ZFYVE28: variants seen among roughly 807,000 people sequenced by gnomAD.
ZFYVE28 encodes the protein zinc finger FYVE-type containing 28, also known as lateral signaling target protein 2 homolog.
Under a neutral mutation model 82.1 loss-of-function variants are expected in ZFYVE28, and 40 were observed. That is an observed-to-expected ratio of 0.49 (90% CI 0.38 to 0.63). The LOEUF (loss-of-function observed/expected upper bound fraction) is 0.63. Ranked by LOEUF, ZFYVE28 falls within the 30% of genes least tolerant of loss-of-function variation. The pLI is 0.00. For missense variants in ZFYVE28, 1,321 were observed against 1,242.1 expected, an observed-to-expected ratio of 1.06 and a Z score of -0.96; for synonymous variants, 612 against 546.1, an observed-to-expected ratio of 1.12 and a Z score of -1.68.
intron 1 of ZFYVE28, among the ~76,000 whole-genome samples, chr4:2,392,627 G>T (rs1729960587): frequency 1.3e-5 from 2 of 152,262 alleles, no homozygotes; most frequent in South Asian, 4.2e-4. Flanking sequence ...GCATCCTAGT[G>T]ACTCTTAAAT....
At chr4:2,364,860 C>T (rs1428853297) in intron 1 of ZFYVE28, 9 of 985,394 alleles carry the variant, frequency 9.1e-6, no homozygotes, top group Non-Finnish European at 1.1e-5. Context: ...CACGTCGCCG[C>T]GGCAAAGTCG....
intron 8 of ZFYVE28, among the ~76,000 whole-genome samples, chr4:2,276,576 C>G (rs61273793): frequency 7.9e-5 from 12 of 152,142 alleles, no homozygotes; most frequent in Non-Finnish European, 1.8e-4. Context: ...TTGGCAGAGG[C>G]GTGGATAAAC....
chr4:2,333,385 C>T (rs1030023433), intron 6 of ZFYVE28, among the ~76,000 whole-genome samples: 1 of 150,336 alleles, frequency 6.7e-6, no homozygotes, highest in Non-Finnish European at 1.5e-5. Context: ...AGAGGTTTGG[C>T]CACCAGCAGG....
At chr4:2,345,733 A>ATG (rs1723438383) in intron 2 of ZFYVE28, among the ~76,000 whole-genome samples, 1 of 151,730 alleles carries the variant, frequency 6.6e-6, no homozygotes, top group African/African-American at 2.4e-5. Context: ...AACTATACCA[A>ATG]ATTACAGCAT....
intron 6 of ZFYVE28, among the ~76,000 whole-genome samples, chr4:2,327,034 CA>C (rs1490421884): frequency 6.6e-6 from 1 of 151,564 alleles, no homozygotes; most frequent in East Asian, 1.9e-4. Context: ...GGTGGATCAC[CA>C]GATCTGGAGT....
At chr4:2,337,346 C>G in intron 5 of ZFYVE28, 61 bp downstream of exon 5, 1 of 1,484,230 alleles carries the variant, frequency 6.7e-7, no homozygotes, top group South Asian at 1.3e-5. Flanking sequence ...TGCCCCGGGC[C>G]TGGAGTGAGG....
At position 2,372,822 on chromosome 4, in the gene ZFYVE28, G is replaced by C. The variant is rs1236858175; in HGVS notation, c.40-18749C>G. Among the ~76,000 whole-genome samples, 1 of 152,036 alleles carries C rather than the reference G, an allele frequency of 6.6e-6. No homozygotes were observed. The highest frequency in any genetic ancestry group is 6.5e-5 in the Admixed American group (1 of 15,272). On this transcript the variant is annotated intron_variant, in intron 1 of 12. Transcript: ENST00000290974. This position sits in a 1 kb window ranked among gnomAD's most constrained non-coding sequence, Gnocchi z 5.2. The stretch of plus-strand genomic sequence containing the variant: ...CACACCCCTAAGACCTAGCCTCCCC[G>C]AGGCCTCTCCCCATGGCTGACTCAC...
intron 1 of ZFYVE28, chr4:2,364,967 G>T: frequency 1.1e-6 from 1 of 939,042 alleles, no homozygotes; most frequent in Non-Finnish European, 1.3e-6. Context: ...CACAGAGCCG[G>T]GGTGTCCCGG....
intron 8 of ZFYVE28, among the ~76,000 whole-genome samples, chr4:2,295,376 G>A (rs1294930247): frequency 6.6e-6 from 1 of 151,092 alleles, no homozygotes; most frequent in Non-Finnish European, 1.5e-5. Context: ...TTACCATGTT[G>A]GCCAGGCTGG....
At chr4:2,289,812 G>A (rs1230143042) in intron 8 of ZFYVE28, among the ~76,000 whole-genome samples, 1 of 152,104 alleles carries the variant, frequency 6.6e-6, no homozygotes, top group Non-Finnish European at 1.5e-5. Flanking sequence ...TGGACTTGGG[G>A]CTCAGGAGGT....
chr4:2,271,845 C>T (rs1735941945), intron 10 of ZFYVE28, 66 bp from the exon 11 acceptor site: 2 of 1,476,564 alleles, frequency 1.4e-6, no homozygotes, highest in Non-Finnish European at 9.4e-7. Flanking sequence ...GGGTCACCTG[C>T]ACTTGCTGGG....
chr4:2,406,206 T>C (rs557844375), intron 1 of ZFYVE28, among the ~76,000 whole-genome samples: 1 of 151,860 alleles, frequency 6.6e-6, no homozygotes, highest in Non-Finnish European at 1.5e-5. Context: ...ACCCCATCTC[T>C]GTCAAAAATA....
rs1259339905 is a variant in ZFYVE28, at chr4:2,341,480, C to T, written c.316G>A (p.Glu106Lys). ...GAACCCGGGTGGCCACCCGCTACCTCGGCACCGAACCACAGCTGGCCGGCC... is the reference window on the plus strand; with the variant it reads ...GAACCCGGGTGGCCACCCGCTACCTTGGCACCGAACCACAGCTGGCCGGCC... ...NLAGQLWFGA[E>K]CLAAGSIIMN... The change falls in exon 3 of 13, where the codon GAG becomes AAG. Residue 106 changes from glutamate (E) to lysine (K), a missense_variant and splice_region_variant. Glu to Lys is a moderately conservative substitution (Grantham distance 56, BLOSUM62 1). This residue lies in a region of ZFYVE28 where 343 missense variants were observed against 408.4 expected (regional missense o/e 0.84). Coordinates refer to ENST00000290974, the MANE Select transcript of ZFYVE28 (RefSeq NM_020972.3). This position sits in a 1 kb window ranked among gnomAD's most constrained non-coding sequence, Gnocchi z 4.5. 3.1e-6 allele frequency: 5 copies of T among 1,612,972 alleles called. No individual in the cohort carries two copies. Among genetic ancestry groups the T allele is most frequent in the East Asian group, 2.2e-5 (1 of 44,846 alleles).
At chr4:2,382,127 A>C (rs773883896) in intron 1 of ZFYVE28, among the ~76,000 whole-genome samples, 1 of 152,246 alleles carries the variant, frequency 6.6e-6, no homozygotes, top group Non-Finnish European at 1.5e-5. Context: ...GGATGCATGG[A>C]AACACCTGGA....
At chr4:2,312,591 G>A (rs867723706) in intron 7 of ZFYVE28, among the ~76,000 whole-genome samples, 4 of 151,906 alleles carry the variant, frequency 2.6e-5, no homozygotes, top group Non-Finnish European at 4.4e-5. Flanking sequence ...AGCCGGGTGT[G>A]GTGGCGGGCG....
intron 1 of ZFYVE28, among the ~76,000 whole-genome samples, chr4:2,386,095 C>T (rs1166048041): frequency 2.0e-5 from 3 of 152,194 alleles, no homozygotes; most frequent in African/African-American, 2.4e-5. Context: ...TTCACTCCCA[C>T]GGCTGCAGCA....
chr4:2,292,373 G>C (rs998891765), intron 8 of ZFYVE28, among the ~76,000 whole-genome samples: 3 of 152,194 alleles, frequency 2.0e-5, no homozygotes, highest in African/African-American at 7.2e-5. Context: ...CCACAGCATA[G>C]GGCAACGCTA....
At chr4:2,389,217 C>G (rs2108922650) in intron 1 of ZFYVE28, among the ~76,000 whole-genome samples, 1 of 152,280 alleles carries the variant, frequency 6.6e-6, no homozygotes, top group East Asian at 1.9e-4. Context: ...GGCCATCCAG[C>G]CAGGTCCTGC....
chr4:2,301,659 AC>A (rs34241534), intron 8 of ZFYVE28, among the ~76,000 whole-genome samples: 151,921 of 151,924 alleles, frequency 1, 75,959 homozygotes, highest in Middle Eastern at 1. Flanking sequence ...CACCTGGACA[AC>A]CCCCCACCAC....
Sources: allele counts gnomAD v4.1 joint callset (sites outside exome capture counted in the v4.1 genomes callset), GRCh38; gene constraint gnomAD v4.1.1; regional missense constraint gnomAD v4.1.1; non-coding constraint Gnocchi (gnomAD v3.1); transcripts MANE v1.5; gene names NCBI Gene and HGNC (gene_info 2026-07-23, HGNC 2026-07-21).